DLG2: variants seen among roughly 807,000 people sequenced by gnomAD.
DLG2 encodes the protein disks large homolog 2.
A neutral mutation model predicts 132.5 loss-of-function variants in DLG2; 45 were observed. That is an observed-to-expected ratio of 0.34 (90% confidence interval 0.27 to 0.44). DLG2 has a LOEUF of 0.44. Among genes scored for constraint, DLG2 ranks in the 20% least tolerant of loss-of-function variants. The pLI, the probability that DLG2 is intolerant of heterozygous loss-of-function variation, is 1.00. For missense variants in DLG2, 1,045 were observed against 1,196.9 expected (o/e 0.87, Z 1.87); for synonymous variants, 424 against 419.6 (o/e 1.01, Z -0.13).
At chr11:84,091,076 T>C (rs1459718015) in intron 10 of DLG2, among the ~76,000 whole-genome samples, 1 of 152,210 alleles carries the variant, frequency 6.6e-6, no homozygotes, top group Non-Finnish European at 1.5e-5. Context: ...CTTTGTGTAG[T>C]GCAAAAATGA....
intron 11 of DLG2, among the ~76,000 whole-genome samples, chr11:84,018,675 A>G (rs1057435984): frequency 6.6e-6 from 1 of 151,884 alleles, no homozygotes; most frequent in Non-Finnish European, 1.5e-5. Flanking sequence ...TTCTTTTTTG[A>G]AAGAGTAGAG....
intron 6 of DLG2, among the ~76,000 whole-genome samples, chr11:84,737,167 T>C (rs367762011): frequency 1.3e-5 from 2 of 152,128 alleles, no homozygotes; most frequent in East Asian, 3.9e-4. Flanking sequence ...GATTTTTGAA[T>C]GTTAAACAAT....
intron 11 of DLG2, among the ~76,000 whole-genome samples, chr11:83,987,383 C>T (rs1369068522): frequency 3.3e-5 from 5 of 151,966 alleles, no homozygotes; most frequent in East Asian, 1.9e-4. Flanking sequence ...GAGCCCGCAT[C>T]GCCAAGGCAA....
At chr11:85,407,121 A>G (rs147548358) in intron 3 of DLG2, among the ~76,000 whole-genome samples, 78 of 152,030 alleles carry the variant, frequency 5.1e-4, no homozygotes, top group African/African-American at 1.5e-3. Flanking sequence ...ACGAAAAATC[A>G]TAAGAATGAA....
intron 6 of DLG2, among the ~76,000 whole-genome samples, chr11:84,739,796 T>C (rs994688956): frequency 2.6e-5 from 4 of 152,172 alleles, no homozygotes; most frequent in African/African-American, 9.7e-5. Context: ...AATATAGTAG[T>C]ATGCAAAACT....
intron 6 of DLG2, among the ~76,000 whole-genome samples, chr11:84,862,034 T>A (rs1461753518): frequency 2.4e-5 from 2 of 85,054 alleles, no homozygotes; most frequent in Non-Finnish European, 2.1e-5. Flanking sequence ...TGGGGACTGT[T>A]GTGGGGTGGG....
At chr11:83,962,533 G>A (rs2089119794) in intron 14 of DLG2, among the ~76,000 whole-genome samples, 1 of 151,868 alleles carries the variant, frequency 6.6e-6, no homozygotes, top group Non-Finnish European at 1.5e-5. Context: ...ATATAATATT[G>A]GCATGCTACT....
At chr11:84,544,634 C>CATCT (rs1448003667) in intron 6 of DLG2, among the ~76,000 whole-genome samples, 2 of 152,162 alleles carry the variant, frequency 1.3e-5, no homozygotes, top group African/African-American at 2.4e-5. Flanking sequence ...ATCTGGGAGA[C>CATCT]ATCTATCACA....
intron 7 of DLG2, among the ~76,000 whole-genome samples, chr11:84,456,652 CTA>C (rs1174393516): frequency 6.6e-6 from 1 of 151,416 alleles, no homozygotes; most frequent in Non-Finnish European, 1.5e-5. Flanking sequence ...CAAGTCTTCA[CTA>C]AAGTGACACA....
intron 9 of DLG2, among the ~76,000 whole-genome samples, chr11:84,106,974 C>A (rs1368829724): frequency 3.0e-5 from 2 of 67,410 alleles, no homozygotes; most frequent in African/African-American, 6.0e-5. Flanking sequence ...GAGTTTTAGC[C>A]TTAGGGTGTG....
chr11:84,850,378 T>C (rs1488619912), intron 6 of DLG2, among the ~76,000 whole-genome samples: 2 of 150,772 alleles, frequency 1.3e-5, no homozygotes, highest in African/African-American at 2.4e-5. Flanking sequence ...ACTTCGACTT[T>C]AGCAAAACAT....
At chr11:84,385,153 A>C (rs536956903) in intron 7 of DLG2, among the ~76,000 whole-genome samples, 15 of 152,192 alleles carry the variant, frequency 9.9e-5, no homozygotes, top group African/African-American at 3.1e-4. Context: ...TTCCACACTT[A>C]AACTGGTACA....
rs189284274 is a variant in DLG2 at position 85,419,173 on chromosome 11, C to T, written c.41-133808G>A. 2.5e-3 allele frequency among the ~76,000 whole-genome samples: 381 copies of T among 152,254 alleles called. 1 individual carries two copies. The highest frequency in any genetic ancestry group is 8.8e-3 in the African/African-American group (367 of 41,554). Reference sequence around the variant, plus strand: ...TGTGTAAGAAATTCTATTTCTCCTTCGCTTATGAAGCTTAGTTTGGCTACA... The same window carrying T: ...TGTGTAAGAAATTCTATTTCTCCTTTGCTTATGAAGCTTAGTTTGGCTACA... On this transcript the variant is annotated intron_variant, in intron 3 of 27. Coordinates refer to ENST00000376104, the MANE Select transcript of DLG2 (RefSeq NM_001142699.3).
At chr11:84,085,677 G>A (rs918074340) in intron 10 of DLG2, among the ~76,000 whole-genome samples, 1 of 152,098 alleles carries the variant, frequency 6.6e-6, no homozygotes, top group Admixed American at 6.5e-5. Flanking sequence ...TTTTAGTCTG[G>A]GCTGGAAGTT....
chr11:84,754,363 G>T (rs913873956), intron 6 of DLG2, among the ~76,000 whole-genome samples: 2 of 152,116 alleles, frequency 1.3e-5, no homozygotes, highest in African/African-American at 4.8e-5. Flanking sequence ...TGTATGTTTT[G>T]AAGTGGATGT....
intron 3 of DLG2, among the ~76,000 whole-genome samples, chr11:85,555,020 A>C (rs1256672461): frequency 1.3e-5 from 2 of 151,714 alleles, no homozygotes; most frequent in African/African-American, 4.8e-5. Flanking sequence ...TGAAAAACCT[A>C]ACCTCTAAGC....
chr11:85,584,339 GGTGTGTGTGTGTGTGTGTGTGTGT>G (rs61334060), intron 3 of DLG2, among the ~76,000 whole-genome samples: 2 of 144,972 alleles, frequency 1.4e-5, no homozygotes, highest in African/African-American at 2.6e-5. Context: ...AGTATTCCAT[GGTGTGTGTGTGTGTGTGTGTGTGT>G]GTGTGTGTGT....
At chr11:85,161,514 C>T (rs1285646016) in intron 4 of DLG2, among the ~76,000 whole-genome samples, 3 of 152,142 alleles carry the variant, frequency 2.0e-5, no homozygotes, top group Non-Finnish European at 4.4e-5. Context: ...GAGGTTTATC[C>T]TCACTGGAAT....
At chr11:84,250,436 G>A (rs1388693742) in intron 8 of DLG2, among the ~76,000 whole-genome samples, 2 of 152,166 alleles carry the variant, frequency 1.3e-5, no homozygotes, top group African/African-American at 4.8e-5. Context: ...CAAAGGCCAG[G>A]AATCTGTTTG....
Sources: allele counts gnomAD v4.1 joint callset (sites outside exome capture counted in the v4.1 genomes callset), GRCh38; gene constraint gnomAD v4.1.1; transcripts MANE v1.5; gene names NCBI Gene and HGNC (gene_info 2026-07-23, HGNC 2026-07-21).